The following THSD7A variants were observed in gnomAD, a reference collection of about 807,000 sequenced individuals.
The protein encoded by THSD7A is thrombospondin type 1 domain containing 7A, also known as thrombospondin type-1 domain-containing protein 7A.
Under a neutral mutation model 231.3 loss-of-function variants are expected in THSD7A, and 96 were observed. The ratio of observed to expected loss-of-function variants is 0.41; its 90% CI spans 0.35 to 0.49. The LOEUF (loss-of-function observed/expected upper bound fraction) is 0.49, where lower values mean the gene tolerates loss of function less well. Ranked by LOEUF, THSD7A falls within the 20% of genes least tolerant of loss-of-function variation. The pLI, the probability that THSD7A is intolerant of heterozygous loss-of-function variation, is 0.05. For synonymous variants in THSD7A, 940 were observed against 743.3 expected (o/e 1.26, Z -4.30); for missense variants, 2,290 against 2,070.2 (o/e 1.11, Z -2.06).
chr7:11,622,790 G>C (rs1781358563), intron 2 of THSD7A, among the ~76,000 whole-genome samples: 1 of 152,106 alleles, frequency 6.6e-6, no homozygotes, highest in Non-Finnish European at 1.5e-5. Context: ...TTAATGTCAT[G>C]AATAGATTAT....
chr7:11,408,902 G>C (rs1306430316), intron 19 of THSD7A, among the ~76,000 whole-genome samples: 1 of 152,168 alleles, frequency 6.6e-6, no homozygotes, highest in African/African-American at 2.4e-5. Context: ...GTTGGAGATA[G>C]GAATCTTGAG....
At chr7:11,743,936 T>G (rs906786552) in intron 1 of THSD7A, among the ~76,000 whole-genome samples, 2 of 151,892 alleles carry the variant, frequency 1.3e-5, no homozygotes, top group Non-Finnish European at 2.9e-5. Context: ...AACTTTTAAT[T>G]AGCACTTACC....
Position 11,539,980 on chromosome 7 carries a change from A to G in THSD7A, c.1822+1439T>C, listed in dbSNP as rs1306229165. ...ATACGACCCTGACTGTTTTTACAGCAATTCAGAAGGTAACAGTATTGTGTA... is the reference window on the plus strand; with the variant it reads ...ATACGACCCTGACTGTTTTTACAGCGATTCAGAAGGTAACAGTATTGTGTA... On this transcript the variant is annotated intron_variant, in intron 6 of 27. Coordinates refer to ENST00000423059, the MANE Select transcript of THSD7A (RefSeq NM_015204.3). 2.0e-5 allele frequency among the ~76,000 whole-genome samples: 3 copies of G among 152,226 alleles called. No individual in the cohort carries two copies. In the East Asian group the frequency reaches 5.8e-4, roughly 29 times the overall value.
At position 11,829,815 on chromosome 7, in the gene THSD7A, A is replaced by T. The variant is rs1475255358; in HGVS notation, c.190+1942T>A. On this transcript the variant is annotated intron_variant, in intron 1 of 27. Coordinates refer to ENST00000423059, the MANE Select transcript of THSD7A (RefSeq NM_015204.3). ...CTTTCCCTTTGGTAAAAAAAAAAAA[A>T]TAAAGAAGTCATTATTTTGCTTTCC... Among the ~76,000 whole-genome samples the T allele has an allele frequency of 2.6e-5, 4 of 152,116 alleles. No homozygotes were observed. In the South Asian group the frequency reaches 8.3e-4, roughly 32 times the overall value.
chr7:11,500,809 G>A (rs551754317), intron 6 of THSD7A, among the ~76,000 whole-genome samples: 4 of 151,944 alleles, frequency 2.6e-5, no homozygotes, highest in Admixed American at 2.6e-4. Flanking sequence ...GGTGGTGGGT[G>A]CCTGTAATCC....
At chr7:11,678,180 G>C (rs1368008488) in intron 1 of THSD7A, among the ~76,000 whole-genome samples, 1 of 152,126 alleles carries the variant, frequency 6.6e-6, no homozygotes, top group African/African-American at 2.4e-5. Context: ...GAATATCTGG[G>C]ACACAGCTAA....
At chr7:11,451,650 A>C (rs1020627369) in intron 11 of THSD7A, among the ~76,000 whole-genome samples, 3 of 152,050 alleles carry the variant, frequency 2.0e-5, no homozygotes, top group African/African-American at 7.2e-5. Flanking sequence ...GTTTCAAGCT[A>C]TGTTTTAAAG....
At chr7:11,399,129 G>T (rs964049455) in intron 23 of THSD7A, among the ~76,000 whole-genome samples, 6 of 152,082 alleles carry the variant, frequency 3.9e-5, no homozygotes, top group African/African-American at 1.4e-4. Context: ...GGAGTTGTCT[G>T]TTTCTTTAAA....
At chr7:11,815,840 T>A (rs1327409905) in intron 1 of THSD7A, among the ~76,000 whole-genome samples, 1 of 152,162 alleles carries the variant, frequency 6.6e-6, no homozygotes, top group Admixed American at 6.6e-5. Flanking sequence ...ATCCATTCCC[T>A]TCTTCTCCAA....
chr7:11,775,789 T>C (rs1183354050), intron 1 of THSD7A, among the ~76,000 whole-genome samples: 1 of 152,208 alleles, frequency 6.6e-6, no homozygotes, highest in Non-Finnish European at 1.5e-5. Context: ...ATGTACCTAA[T>C]GCCACAGAAT....
intron 1 of THSD7A, among the ~76,000 whole-genome samples, chr7:11,663,239 A>C (rs931523608): frequency 6.6e-6 from 1 of 151,388 alleles, no homozygotes; most frequent in Non-Finnish European, 1.5e-5. Context: ...TATTATGACA[A>C]ATCTTATGCC....
chr7:11,575,365 T>C (rs1452745353), intron 4 of THSD7A, among the ~76,000 whole-genome samples: 2 of 152,220 alleles, frequency 1.3e-5, no homozygotes, highest in African/African-American at 4.8e-5. Flanking sequence ...TTAAGGACTT[T>C]TGATTTTCCT....
intron 1 of THSD7A, among the ~76,000 whole-genome samples, chr7:11,735,510 T>C (rs1562516300): frequency 6.6e-6 from 1 of 151,898 alleles, no homozygotes; most frequent in Non-Finnish European, 1.5e-5. Flanking sequence ...GAAACATAAA[T>C]AATTTTTATG....
At chr7:11,676,102 G>T (rs1232599852) in intron 1 of THSD7A, among the ~76,000 whole-genome samples, 6 of 152,186 alleles carry the variant, frequency 3.9e-5, no homozygotes, top group African/African-American at 1.2e-4. Context: ...TGTAGCCTCT[G>T]CTGGTGATAA....
At chr7:11,404,811 T>C (rs1256833280) in intron 22 of THSD7A, among the ~76,000 whole-genome samples, 1 of 152,150 alleles carries the variant, frequency 6.6e-6, no homozygotes, top group Admixed American at 6.5e-5. Flanking sequence ...ACATGAGATC[T>C]ACCCACTTAA....
intron 1 of THSD7A, among the ~76,000 whole-genome samples, chr7:11,727,553 G>A (rs1430766145): frequency 2.0e-5 from 3 of 152,026 alleles, no homozygotes; most frequent in Admixed American, 1.3e-4. Context: ...GGCCCAAAAT[G>A]TTAAAATAAT....
At chr7:11,485,064 T>G (rs946540351) in intron 6 of THSD7A, among the ~76,000 whole-genome samples, 1 of 151,328 alleles carries the variant, frequency 6.6e-6, no homozygotes, top group Non-Finnish European at 1.5e-5. Flanking sequence ...CTCATTTTTG[T>G]ATTTTTAGCA....
At chr7:11,419,530 A>G (rs1361635471) in intron 16 of THSD7A, among the ~76,000 whole-genome samples, 3 of 152,194 alleles carry the variant, frequency 2.0e-5, no homozygotes, top group African/African-American at 7.2e-5. Flanking sequence ...CTCTTTCTTT[A>G]TAAATTACCC....
chr7:11,379,990 A>G (rs767066190), intron 24 of THSD7A, among the ~76,000 whole-genome samples: 1 of 152,198 alleles, frequency 6.6e-6, no homozygotes, highest in African/African-American at 2.4e-5. Flanking sequence ...TTTTGAAAAT[A>G]CTAATTGCAC....
Sources: gnomAD v4.1 joint callset for allele counts (sites outside exome capture counted in the v4.1 genomes callset) on GRCh38, gnomAD v4.1.1 for gene constraint, MANE v1.5 for transcripts, NCBI Gene and HGNC (gene_info 2026-07-23, HGNC 2026-07-21) for gene names.